CORIN: variants seen among roughly 807,000 people sequenced by gnomAD.
CORIN encodes corin, serine peptidase, also known as atrial natriuretic peptide-converting enzyme.
A neutral mutation model predicts 125.3 loss-of-function variants in CORIN; 117 were observed. The ratio of observed to expected loss-of-function variants is 0.93; its 90% CI spans 0.80 to 1.09. The LOEUF (loss-of-function observed/expected upper bound fraction) is 1.09. CORIN is among the 50% of genes least tolerant of loss of function. The pLI is 0.00. For missense variants in CORIN, 1,253 were observed against 1,306.7 expected (o/e 0.96, Z 0.63); for synonymous variants, 450 against 466.4 (o/e 0.96, Z 0.45).
intron 4 of CORIN, among the ~76,000 whole-genome samples, chr4:47,745,860 T>G (rs959950351): frequency 2.0e-5 from 3 of 152,218 alleles, no homozygotes; most frequent in Admixed American, 2.0e-4. Flanking sequence ...AAAAGGGAAT[T>G]CAACAATTAC....
At chr4:47,629,081 T>C (rs556677160) in intron 16 of CORIN, among the ~76,000 whole-genome samples, 6 of 152,276 alleles carry the variant, frequency 3.9e-5, no homozygotes, top group Admixed American at 3.9e-4. Flanking sequence ...GATCATATGG[T>C]AGGTAGTTCT....
chr4:47,742,019 C>T (rs929140331), intron 5 of CORIN, among the ~76,000 whole-genome samples: 2 of 151,722 alleles, frequency 1.3e-5, no homozygotes, highest in Non-Finnish European at 2.9e-5. Context: ...TATACTAAAC[C>T]ACTTAATAAT....
chr4:47,607,757 A>G (rs1163803145), intron 19 of CORIN, among the ~76,000 whole-genome samples: 1 of 152,154 alleles, frequency 6.6e-6, no homozygotes, highest in Admixed American at 6.5e-5. Flanking sequence ...TTCAGGCTAC[A>G]TGAATGCCAC....
intron 5 of CORIN, among the ~76,000 whole-genome samples, chr4:47,726,884 T>G (rs1727616967): frequency 6.6e-6 from 1 of 152,006 alleles, no homozygotes; most frequent in Non-Finnish European, 1.5e-5. Context: ...TAAAAAGCAT[T>G]TTATTAAAAT....
chr4:47,791,192 T>C (rs1167921848), intron 2 of CORIN, among the ~76,000 whole-genome samples: 2 of 152,138 alleles, frequency 1.3e-5, no homozygotes, highest in South Asian at 2.1e-4. Flanking sequence ...AGGGTCTTTA[T>C]AAGCAGAAGA....
chr4:47,655,371 T>A lies in CORIN; in HGVS notation c.1736-1711A>T, dbSNP rs141880984. ...GCGGGGTAGAACATCAAGTGAATTC[T>A]TGGGGTCTCTAATTCTAAGCCCTGG... On this transcript the variant is annotated intron_variant, in intron 12 of 21. Transcript: ENST00000273857. Among the ~76,000 whole-genome samples, 66 of 152,302 alleles carry A rather than the reference T, an allele frequency of 4.3e-4. 1 individual carries two copies. Among genetic ancestry groups the A allele is most frequent in the African/African-American group, 1.4e-3 (59 of 41,556 alleles).
At chr4:47,788,649 G>A (rs1730928499) in intron 2 of CORIN, among the ~76,000 whole-genome samples, 1 of 152,138 alleles carries the variant, frequency 6.6e-6, no homozygotes, top group South Asian at 2.1e-4. Flanking sequence ...ATTACCTATA[G>A]TTTTCCTTAC....
At chr4:47,697,525 C>A (rs1415568059) in intron 5 of CORIN, among the ~76,000 whole-genome samples, 1 of 151,964 alleles carries the variant, frequency 6.6e-6, no homozygotes, top group African/African-American at 2.4e-5. Flanking sequence ...ACCAGCCTGG[C>A]CAACATGGTG....
intron 19 of CORIN, among the ~76,000 whole-genome samples, chr4:47,616,460 A>G (rs1722071441): frequency 6.6e-6 from 1 of 152,182 alleles, no homozygotes; most frequent in South Asian, 2.1e-4. Flanking sequence ...ATGAGCTGAA[A>G]AAAGAGAAAA....
At chr4:47,647,824 T>C (rs1429378475) in intron 13 of CORIN, among the ~76,000 whole-genome samples, 1 of 152,202 alleles carries the variant, frequency 6.6e-6, no homozygotes, top group Non-Finnish European at 1.5e-5. Flanking sequence ...ATTTGAATCC[T>C]AGTTCCAAAT....
chr4:47,720,418 A>G (rs1327715720), intron 5 of CORIN, among the ~76,000 whole-genome samples: 2 of 152,190 alleles, frequency 1.3e-5, no homozygotes, highest in Non-Finnish European at 2.9e-5. Context: ...AAACTAAATA[A>G]CCACTTTTTT....
chr4:47,744,255 T>C (rs1728552303), intron 5 of CORIN, 147 bp downstream of exon 5: 5 of 716,886 alleles, frequency 7.0e-6, no homozygotes, highest in Non-Finnish European at 1.1e-5. Context: ...GTTAATATTC[T>C]ATTCCTTGAT....
chr4:47,625,193 C>T lies in CORIN; in HGVS notation c.2315+1212G>A, dbSNP rs553574546. Among the ~76,000 whole-genome samples, 127 of 152,184 alleles carry T rather than the reference C, an allele frequency of 8.3e-4. 1 individual carries two copies. The highest frequency in any genetic ancestry group is 2.8e-3 in the African/African-American group (115 of 41,530). On this transcript the variant is annotated intron_variant, in intron 17 of 21. Transcript: ENST00000273857. The stretch of plus-strand genomic sequence containing the variant: ...CCTGAGATGAGGGCCTTCATTTCCC[C>T]TCATTCACTTCTACATCCCCTCAAA...
At chr4:47,716,267 C>T (rs971267378) in intron 5 of CORIN, among the ~76,000 whole-genome samples, 1 of 152,198 alleles carries the variant, frequency 6.6e-6, no homozygotes, top group Non-Finnish European at 1.5e-5. Context: ...TTAGTGCAAA[C>T]AACTATGATC....
At chr4:47,783,036 A>C (rs1288892531) in intron 3 of CORIN, among the ~76,000 whole-genome samples, 2 of 152,122 alleles carry the variant, frequency 1.3e-5, no homozygotes, top group East Asian at 1.9e-4. Context: ...AGAACACTTT[A>C]AGCTTTCAGC....
chr4:47,622,229 T>C (rs1722350870), intron 19 of CORIN, among the ~76,000 whole-genome samples: 1 of 152,106 alleles, frequency 6.6e-6, no homozygotes, highest in Non-Finnish European at 1.5e-5. Context: ...TGTGCTACAT[T>C]TTCTTAATCC....
chr4:47,606,247 T>C (rs1311923292), intron 19 of CORIN, among the ~76,000 whole-genome samples: 2 of 152,096 alleles, frequency 1.3e-5, no homozygotes, highest in Non-Finnish European at 2.9e-5. Flanking sequence ...TGTTACAGAA[T>C]AATTTCTTTT....
intron 2 of CORIN, among the ~76,000 whole-genome samples, chr4:47,795,257 C>T (rs1206336983): frequency 2.0e-5 from 3 of 151,996 alleles, no homozygotes; most frequent in African/African-American, 4.8e-5. Flanking sequence ...TGCTCAAAAT[C>T]GCTTTGGGTA....
At chr4:47,728,421 A>G (rs572045887) in intron 5 of CORIN, among the ~76,000 whole-genome samples, 1 of 152,194 alleles carries the variant, frequency 6.6e-6, no homozygotes, top group African/African-American at 2.4e-5. Context: ...AAGAAAAAAA[A>G]CCAGCATTTT....
Sources: allele counts gnomAD v4.1 joint callset (sites outside exome capture counted in the v4.1 genomes callset), GRCh38; gene constraint gnomAD v4.1.1; transcripts MANE v1.5; gene names NCBI Gene and HGNC (gene_info 2026-07-23, HGNC 2026-07-21).